The following RIMS1 variants were observed in gnomAD, a reference collection of about 807,000 sequenced individuals.
RIMS1 encodes the protein regulating synaptic membrane exocytosis protein 1.
RIMS1 carries 83 observed loss-of-function variants against 214.1 expected under a neutral mutation model. The ratio of observed to expected loss-of-function variants is 0.39; its 90% confidence interval spans 0.32 to 0.47. The LOEUF is 0.47. Among genes scored for constraint, RIMS1 ranks in the 20% least tolerant of loss-of-function variants. The pLI is 0.99. For synonymous variants in RIMS1, 793 were observed against 786.8 expected (o/e 1.01, Z -0.13); for missense variants, 2,050 against 2,161.8 (o/e 0.95, Z 1.03).
intron 29 of RIMS1, among the ~76,000 whole-genome samples, chr6:72,378,879 T>C (rs1457473200): frequency 1.3e-5 from 2 of 152,166 alleles, no homozygotes; most frequent in African/African-American, 4.8e-5. Context: ...CCTCTGTTTA[T>C]TGTACCCTGT....
intron 4 of RIMS1, among the ~76,000 whole-genome samples, chr6:72,178,757 GTCC>G (rs1360758308): frequency 6.6e-6 from 1 of 152,088 alleles, no homozygotes; most frequent in Non-Finnish European, 1.5e-5. Flanking sequence ...TATGATAATC[GTCC>G]TCATTATTAC....
At chr6:72,119,442 G>A (rs1455421425) in intron 4 of RIMS1, among the ~76,000 whole-genome samples, 1 of 151,632 alleles carries the variant, frequency 6.6e-6, no homozygotes, top group Non-Finnish European at 1.5e-5. Context: ...CACAGAATTA[G>A]AAAACACAAT....
intron 2 of RIMS1, among the ~76,000 whole-genome samples, chr6:71,991,826 G>A (rs1194286207): frequency 6.6e-6 from 1 of 152,210 alleles, no homozygotes; most frequent in Admixed American, 6.5e-5. Context: ...CACTTTGGGA[G>A]GCCAAGGTGG....
At chr6:72,347,310 A>G (rs1409874899) in intron 29 of RIMS1, among the ~76,000 whole-genome samples, 2 of 151,888 alleles carry the variant, frequency 1.3e-5, no homozygotes, top group Non-Finnish European at 2.9e-5. Context: ...CCCAGTATGT[A>G]GCACAAAGCC....
In RIMS1 at chr6:72,292,042, A is replaced by G. The variant is rs1457748373; in HGVS notation, c.3846A>G (p.Glu1282=). The change falls in exon 26 of 34, where the codon GAA becomes GAG. Residue 1282 remains glutamate (E), a synonymous_variant. Coordinates refer to ENST00000521978, the MANE Select transcript of RIMS1 (RefSeq NM_014989.7). Reference sequence around the variant, plus strand: ...TGCCAGTGAGAAGCGGCAGTATAGAACAAGGTATCCGATAAAGAGAGATCA... The same window carrying G: ...TGCCAGTGAGAAGCGGCAGTATAGAGCAAGGTATCCGATAAAGAGAGATCA... The part of the protein sequence containing the change: ...PQVPVRSGSI[E]QASLVVEERT... 2 of 1,550,046 alleles carry G rather than the reference A, an allele frequency of 1.3e-6. No individual in the cohort carries two copies. Among genetic ancestry groups the G allele is most frequent in the Non-Finnish European group, 1.7e-6 (2 of 1,144,928 alleles).
intron 2 of RIMS1, among the ~76,000 whole-genome samples, chr6:72,068,462 G>T (rs1020529418): frequency 6.6e-6 from 1 of 152,214 alleles, no homozygotes; most frequent in Non-Finnish European, 1.5e-5. Context: ...AGGCAGAAAA[G>T]AGGTGAGGAA....
rs532796461 is a variant in RIMS1, at chr6:72,165,093, A to G, written c.472-14482A>G. On this transcript the variant is annotated intron_variant, in intron 4 of 33. Transcript: ENST00000521978. ...CTTCTACGACTCCAATTATACATAT[A>G]TTAAATATTTTTTTCCATATTTTAT... Among the ~76,000 whole-genome samples the G allele has an allele frequency of 2.0e-5, 3 of 152,284 alleles. No individual in the cohort carries two copies. In the East Asian group the frequency reaches 5.8e-4, roughly 29 times the overall value.
At chr6:72,353,242 C>T (rs1028880517) in intron 29 of RIMS1, among the ~76,000 whole-genome samples, 19 of 152,054 alleles carry the variant, frequency 1.2e-4, no homozygotes, top group Admixed American at 3.9e-4. Context: ...GCCTCAGCCT[C>T]CCAAAGTGCT....
In RIMS1 at chr6:71,994,732, T is replaced by C. The variant is rs182669441; in HGVS notation, c.245+25669T>C. Among the ~76,000 whole-genome samples, 1,090 of 152,228 alleles carry C rather than the reference T, an allele frequency of 7.2e-3. 4 individuals are homozygous for C. The highest frequency in any genetic ancestry group is 8.8e-3 in the Non-Finnish European group (600 of 68,014). On this transcript the variant is annotated intron_variant, in intron 2 of 33. Coordinates refer to ENST00000521978, the MANE Select transcript of RIMS1 (RefSeq NM_014989.7). The stretch of plus-strand genomic sequence containing the variant: ...AAAATAAACTGAAGTGGCAGTCCAG[T>C]TTTGCTAGTGGAATGAAGATTGTAT...
chr6:72,258,402 A>C, intron 17 of RIMS1, 121 bp downstream of exon 17: 1 of 1,084,142 alleles, frequency 9.2e-7, no homozygotes, highest in Non-Finnish European at 1.3e-6. Context: ...TTTCAGAATT[A>C]ATTGTAGGCA....
intron 4 of RIMS1, among the ~76,000 whole-genome samples, chr6:72,153,705 T>C (rs1022989289): frequency 6.6e-6 from 1 of 152,188 alleles, no homozygotes; most frequent in Non-Finnish European, 1.5e-5. Context: ...AGAGGAACTT[T>C]AGAAAACATT....
chr6:72,280,387 A>G (rs1025338673), intron 23 of RIMS1, among the ~76,000 whole-genome samples: 9 of 152,020 alleles, frequency 5.9e-5, no homozygotes, highest in African/African-American at 2.2e-4. Context: ...TATTTTATAT[A>G]TCTCAATCCA....
At chr6:72,042,168 T>C (rs549993512) in intron 2 of RIMS1, among the ~76,000 whole-genome samples, 1 of 152,026 alleles carries the variant, frequency 6.6e-6, no homozygotes, top group South Asian at 2.1e-4. Context: ...TTGACTAAAC[T>C]TTCAACCCAG....
chr6:72,310,833 A>G (rs1385962299), intron 27 of RIMS1, among the ~76,000 whole-genome samples: 1 of 152,180 alleles, frequency 6.6e-6, no homozygotes, highest in Non-Finnish European at 1.5e-5. Flanking sequence ...ACTTTCTTCA[A>G]ATAATCAATG....
At chr6:71,967,326 T>G (rs927849082) in intron 1 of RIMS1, among the ~76,000 whole-genome samples, 5 of 152,002 alleles carry the variant, frequency 3.3e-5, no homozygotes, top group African/African-American at 1.2e-4. Context: ...AGATGGAGCT[T>G]GCAGTGAGTA....
intron 1 of RIMS1, among the ~76,000 whole-genome samples, chr6:71,944,152 ATTAGGTATTATTTT>A (rs1461138171): frequency 6.6e-6 from 1 of 152,214 alleles, no homozygotes; most frequent in East Asian, 1.9e-4. Flanking sequence ...TCTAAGATGA[ATTAGGTATTATTTT>A]CATCTTCATA....
chr6:72,105,208 A>T (rs1483639515), intron 4 of RIMS1, among the ~76,000 whole-genome samples: 2 of 152,180 alleles, frequency 1.3e-5, no homozygotes, highest in Non-Finnish European at 2.9e-5. Flanking sequence ...TACTGGAATT[A>T]TAAGTGTGAG....
intron 2 of RIMS1, among the ~76,000 whole-genome samples, chr6:72,084,938 G>T (rs1243817588): frequency 1.3e-5 from 2 of 152,024 alleles, no homozygotes; most frequent in Admixed American, 6.6e-5. Flanking sequence ...TTTTAAAAGG[G>T]TATGTAGAAT....
intron 1 of RIMS1, among the ~76,000 whole-genome samples, chr6:71,950,002 A>G (rs904224462): frequency 1.3e-5 from 2 of 152,206 alleles, no homozygotes; most frequent in African/African-American, 4.8e-5. Flanking sequence ...GTCATGGTAA[A>G]TCCATAAGGT....
Sources: gnomAD v4.1 joint callset for allele counts (sites outside exome capture counted in the v4.1 genomes callset) on GRCh38, gnomAD v4.1.1 for gene constraint, MANE v1.5 for transcripts, NCBI Gene and HGNC (gene_info 2026-07-23, HGNC 2026-07-21) for gene names.